MOB1B: variants seen among roughly 807,000 people sequenced by gnomAD.
The protein encoded by MOB1B is MOB1 Mps One Binder homolog B.
A neutral mutation model predicts 24.4 loss-of-function variants in MOB1B; 19 were observed. The observed-to-expected ratio is 0.78, with a 90% CI of 0.54 to 1.14. The LOEUF (loss-of-function observed/expected upper bound fraction) is 1.14, where lower values mean the gene tolerates loss of function less well. MOB1B is among the 50% of genes most tolerant of loss of function. MOB1B has a pLI of 0.00. For synonymous variants in MOB1B, 76 were observed against 82.1 expected (o/e 0.93, Z 0.40); for missense variants, 243 against 259.6 (o/e 0.94, Z 0.44).
chr4:70,932,464 T>C (rs1287429994), intron 1 of MOB1B, among the ~76,000 whole-genome samples: 1 of 152,098 alleles, frequency 6.6e-6, no homozygotes, highest in Non-Finnish European at 1.5e-5. Context: ...AGTAAATGGG[T>C]TTTATTGATC....
At chr4:70,915,609 C>A (rs532279315) in intron 1 of MOB1B, among the ~76,000 whole-genome samples, 73 of 152,284 alleles carry the variant, frequency 4.8e-4, no homozygotes, top group South Asian at 4.4e-3. Context: ...AGGATATTTC[C>A]TGTCATAGCT....
intron 1 of MOB1B, among the ~76,000 whole-genome samples, chr4:70,917,476 C>T (rs576301569): frequency 7.2e-5 from 11 of 152,190 alleles, no homozygotes; most frequent in African/African-American, 2.2e-4. Flanking sequence ...TTAGCTTTAC[C>T]TCAAGGATTC....
At chr4:70,959,958 A>T (rs1242697933) in intron 2 of MOB1B, among the ~76,000 whole-genome samples, 1 of 151,920 alleles carries the variant, frequency 6.6e-6, no homozygotes, top group Non-Finnish European at 1.5e-5. Context: ...ATCTCGGCTC[A>T]CTCCAACCTC....
chr4:70,980,796 C>G (rs943721372), intron 5 of MOB1B, among the ~76,000 whole-genome samples: 2 of 152,250 alleles, frequency 1.3e-5, no homozygotes, highest in Admixed American at 6.5e-5. Context: ...GGGCGGGTCC[C>G]GTCTCTGATA....
intron 3 of MOB1B, among the ~76,000 whole-genome samples, chr4:70,973,693 CA>C (rs1440849640): frequency 6.6e-6 from 1 of 152,060 alleles, no homozygotes; most frequent in Admixed American, 6.5e-5. Context: ...AGTGACTAAA[CA>C]GTAAAAACAG....
At chr4:70,972,949 A>G (rs1317419660) in intron 3 of MOB1B, among the ~76,000 whole-genome samples, 2 of 151,550 alleles carry the variant, frequency 1.3e-5, no homozygotes, top group Non-Finnish European at 2.9e-5. Flanking sequence ...AATTTTTTGT[A>G]TTTTTAGTAG....
intron 2 of MOB1B, among the ~76,000 whole-genome samples, chr4:70,968,179 C>T (rs1177303267): frequency 1.3e-5 from 2 of 151,926 alleles, no homozygotes; most frequent in Non-Finnish European, 2.9e-5. Context: ...TTATACATGT[C>T]AAAAGTCACA....
At position 70,982,158 on chromosome 4, in the gene MOB1B, G is replaced by T; in HGVS notation, c.*101G>T. The T allele has an allele frequency of 3.8e-6, 3 of 796,782 alleles. No individual in the cohort carries two copies. Among genetic ancestry groups the T allele is most frequent in the Middle Eastern group, 2.3e-4 (1 of 4,360 alleles). The allele number at this position is 796,782 out of a possible 1,614,324, so 49.4% of individuals were successfully genotyped here. ...TTTTATCTGGATTGTTTTTGTCCTA[G>T]GTTTGGGGGCGGGGGCTTGTTTGGG... On this transcript the variant is annotated 3_prime_UTR_variant, in exon 6 of 6. Transcript: ENST00000309395.
chr4:70,933,904 G>A (rs1736980084), intron 1 of MOB1B, among the ~76,000 whole-genome samples: 1 of 151,964 alleles, frequency 6.6e-6, no homozygotes, highest in African/African-American at 2.4e-5. Context: ...TTACCACATA[G>A]GGCTGGGTGC....
At position 70,902,369 on chromosome 4, in the gene MOB1B, A is replaced by G. The variant is rs1218061959; in HGVS notation, c.-168A>G. ...CCCACTTCCGCCCCCTCCCCCTGCC[A>G]TTGGAACTAGCTGAGCCGAACTAGT... On this transcript the variant is annotated 5_prime_UTR_variant, in exon 1 of 6. Transcript: ENST00000309395. 5.6e-6 allele frequency: 4 copies of G among 709,934 alleles called. No homozygotes were observed. Among genetic ancestry groups the G allele is most frequent in the Non-Finnish European group, 1.0e-5 (4 of 394,600 alleles). 44.0% of individuals were successfully genotyped at this position (709,934 alleles called of 1,614,324 possible).
At chr4:70,918,197 G>C (rs12509920) in intron 1 of MOB1B, among the ~76,000 whole-genome samples, 74,071 of 152,004 alleles carry the variant, frequency 0.49, 20,460 homozygotes, top group Admixed American at 0.61. Flanking sequence ...CCAGGCATTA[G>C]AAAAGACAAT....
At position 70,987,431 on chromosome 4, in the gene MOB1B, G is replaced by A. The variant is rs190688104; in HGVS notation, c.*5374G>A. The A allele has an allele frequency of 6.6e-6, 1 of 152,102 alleles. No individual in the cohort carries two copies. The highest frequency in any genetic ancestry group is 1.5e-5 in the Non-Finnish European group (1 of 67,934). The allele number at this position is 152,102 out of a possible 1,614,324, so 9.4% of individuals were successfully genotyped here. A position where few individuals can be genotyped will look rare whatever the true frequency, so the allele number is the denominator to read the frequency against. On this transcript the variant is annotated 3_prime_UTR_variant, in exon 6 of 6. Transcript: ENST00000309395. ...ATTGTGCAGGTTGTAAAAAAGATTAGTGCATTTTCATTTTAAGGATGCTTT... is the reference window on the plus strand; with the variant it reads ...ATTGTGCAGGTTGTAAAAAAGATTAATGCATTTTCATTTTAAGGATGCTTT...
chr4:70,970,706 A>G (rs1381847056), intron 3 of MOB1B, among the ~76,000 whole-genome samples: 4 of 152,188 alleles, frequency 2.6e-5, no homozygotes, highest in Non-Finnish European at 5.9e-5. Context: ...TTTTTACATC[A>G]TATGTCAACA....
intron 4 of MOB1B, chr4:70,976,753 C>CATATATATATATATAT (rs376072053): frequency 1.2e-3 from 221 of 181,066 alleles, no homozygotes; most frequent in African/African-American, 6.5e-3. Context: ...GACTGAATTA[C>CATATATATATATATAT]ATATATATAT....
chr4:70,956,320 G>T (rs113760081), intron 1 of MOB1B, among the ~76,000 whole-genome samples: 1,635 of 152,202 alleles, frequency 0.011, 27 homozygotes, highest in African/African-American at 0.038. Flanking sequence ...TAGAGAGGGA[G>T]CCCCACTGTG....
At chr4:70,956,379 C>T (rs1012625444) in intron 1 of MOB1B, among the ~76,000 whole-genome samples, 1 of 152,164 alleles carries the variant, frequency 6.6e-6, no homozygotes, top group Non-Finnish European at 1.5e-5. Context: ...CCTCCCACCT[C>T]GGCCTCCCAA....
At chr4:70,980,622 C>A (rs1739174577) in intron 5 of MOB1B, among the ~76,000 whole-genome samples, 1 of 152,192 alleles carries the variant, frequency 6.6e-6, no homozygotes, top group Non-Finnish European at 1.5e-5. Flanking sequence ...CTGCTGCCTG[C>A]ACCCCTCCCC....
chr4:70,939,794 G>T (rs909636101), intron 1 of MOB1B, among the ~76,000 whole-genome samples: 1 of 152,204 alleles, frequency 6.6e-6, no homozygotes, highest in African/African-American at 2.4e-5. Context: ...TGCCTAACAA[G>T]GACAGAGAGT....
intron 1 of MOB1B, among the ~76,000 whole-genome samples, chr4:70,915,678 C>T (rs886938575): frequency 6.6e-6 from 1 of 152,068 alleles, no homozygotes. Flanking sequence ...ACCTCATCTG[C>T]CCCTGAGAGA....
Sources: gnomAD v4.1 joint callset for allele counts (sites outside exome capture counted in the v4.1 genomes callset) on GRCh38, gnomAD v4.1.1 for gene constraint, MANE v1.5 for transcripts, NCBI Gene and HGNC (gene_info 2026-07-23, HGNC 2026-07-21) for gene names.